The following GGACT variants were observed in gnomAD, a reference collection of about 807,000 sequenced individuals.
GGACT encodes gamma-glutamylaminecyclotransferase.
For synonymous variants in GGACT, 118 were observed against 115.3 expected, an observed-to-expected ratio of 1.02 and a Z score of -0.15; for missense variants, 241 against 233.2, an observed-to-expected ratio of 1.03 and a Z score of -0.22.
intron 2 of GGACT, among the ~76,000 whole-genome samples, chr13:100,553,414 T>C (rs2088683559): frequency 6.6e-6 from 1 of 152,040 alleles, no homozygotes; most frequent in East Asian, 1.9e-4. Context: ...AATGGGCCAG[T>C]CAACTGTGGT....
At chr13:100,548,615 T>G (rs1005027094) in intron 2 of GGACT, among the ~76,000 whole-genome samples, 2 of 152,204 alleles carry the variant, frequency 1.3e-5, no homozygotes, top group Non-Finnish European at 1.5e-5. Context: ...TTTGGGAGGA[T>G]CAAGTCCCCT....
chr13:100,540,503 T>C (rs1222805529), intron 2 of GGACT, among the ~76,000 whole-genome samples: 1 of 152,242 alleles, frequency 6.6e-6, no homozygotes, highest in Non-Finnish European at 1.5e-5. Flanking sequence ...GTTTTAGTTA[T>C]TTAGATCTTT....
At chr13:100,532,703 C>T (rs955549469) in intron 2 of GGACT, 102 bp from the exon 3 acceptor site, 2 of 856,930 alleles carry the variant, frequency 2.3e-6, no homozygotes, top group Non-Finnish European at 3.6e-6. Flanking sequence ...GGGGCCGCAC[C>T]ACCTGAATGC....
Position 100,530,571 on chromosome 13 carries a change from T to G in GGACT, c.*1559A>C, listed in dbSNP as rs1297782847. 2.0e-5 allele frequency: 6 copies of G among 301,682 alleles called. No individual in the cohort carries two copies. The highest frequency in any genetic ancestry group is 3.8e-5 in the Non-Finnish European group (6 of 157,740). The allele number at this position is 301,682 out of a possible 1,614,324, so 18.7% of individuals were successfully genotyped here. ...CAGTCAGTTCTCTGCCTTGCTTTAT[T>G]AAATTAGCACTTGCCATTTTTTCAT... On this transcript the variant is annotated 3_prime_UTR_variant, in exon 3 of 3. Coordinates refer to ENST00000683975, the MANE Select transcript of GGACT (RefSeq NM_001195087.2).
At chr13:100,583,535 T>C (rs910766532) in intron 2 of GGACT, among the ~76,000 whole-genome samples, 22 of 152,190 alleles carry the variant, frequency 1.4e-4, no homozygotes, top group Admixed American at 7.9e-4. Context: ...CTCCTTTAAT[T>C]TTTTGAGACA....
intron 2 of GGACT, among the ~76,000 whole-genome samples, chr13:100,532,840 G>A (rs1356284703): frequency 6.6e-6 from 1 of 152,232 alleles, no homozygotes; most frequent in African/African-American, 2.4e-5. Context: ...TAGCTTGTGG[G>A]CTGTTCACAA....
At chr13:100,547,733 C>A (rs913901681) in intron 2 of GGACT, among the ~76,000 whole-genome samples, 3 of 152,198 alleles carry the variant, frequency 2.0e-5, no homozygotes. Flanking sequence ...AGGACAAGAA[C>A]GAGACATCTC....
At chr13:100,546,013 T>C (rs373575203) in intron 2 of GGACT, among the ~76,000 whole-genome samples, 43 of 152,268 alleles carry the variant, frequency 2.8e-4, no homozygotes, top group African/African-American at 9.9e-4. Flanking sequence ...ACAGTGTTGA[T>C]AGAATATGTG....
chr13:100,532,255 C>T lies in GGACT; in HGVS notation c.337G>A (p.Ala113Thr). Residue 113 changes from alanine (A) to threonine (T), a missense_variant, in exon 3 of 3, where the codon GCG becomes ACG. Physicochemically the swap from Ala to Thr is moderately conservative, Grantham distance 58. Transcript: ENST00000683975. ...CTGCTGTACACGAAGCACTGCACCG[C>T]GGTGGGCGCTGGCGGCTCCTCTGCG... The part of the protein sequence containing the change: ...PGAEEPPAPT[A>T]VQCFVYSRAT... 31 of 1,523,978 alleles carry T rather than the reference C, an allele frequency of 2.0e-5. No individual in the cohort carries two copies. Among genetic ancestry groups the T allele is most frequent in the Non-Finnish European group, 2.7e-5 (30 of 1,130,254 alleles). 94.4% of individuals were successfully genotyped at this position (1,523,978 alleles called of 1,614,324 possible). A position where few individuals can be genotyped will look rare whatever the true frequency, so the allele number is the denominator to read the frequency against.
At chr13:100,546,048 C>T (rs1011840885) in intron 2 of GGACT, among the ~76,000 whole-genome samples, 2 of 152,158 alleles carry the variant, frequency 1.3e-5, no homozygotes, top group African/African-American at 4.8e-5. Context: ...AAAAACAGCT[C>T]AGTTAACTTT....
At chr13:100,544,074 C>T (rs1481055621) in intron 2 of GGACT, among the ~76,000 whole-genome samples, 1 of 152,206 alleles carries the variant, frequency 6.6e-6, no homozygotes. Context: ...GAGTAAGAGT[C>T]ACATGCGATG....
At chr13:100,546,433 G>A (rs1250913144) in intron 2 of GGACT, among the ~76,000 whole-genome samples, 1 of 147,076 alleles carries the variant, frequency 6.8e-6, no homozygotes, top group Admixed American at 6.8e-5. Flanking sequence ...GTGATTCCAC[G>A]AGTTAAATGC....
intron 2 of GGACT, among the ~76,000 whole-genome samples, chr13:100,567,742 C>A (rs1323494435): frequency 6.6e-6 from 1 of 152,184 alleles, no homozygotes; most frequent in East Asian, 1.9e-4. Context: ...ACCATGAATT[C>A]ACACAAACAC....
At chr13:100,559,871 G>C (rs2088744211) in intron 2 of GGACT, among the ~76,000 whole-genome samples, 1 of 152,256 alleles carries the variant, frequency 6.6e-6, no homozygotes, top group Non-Finnish European at 1.5e-5. Flanking sequence ...ATGTATACCA[G>C]TTTAACAGCC....
rs556419075 is a variant in GGACT at position 100,583,858 on chromosome 13, T to C, written c.-44A>G. ...TTGTTTCTTCAAGGAAGTGTTGCCT[T>C]AGAATCCAGATCCACAGTAAGCCTG... is the stretch of plus-strand genomic sequence containing the variant. On this transcript the variant is annotated 5_prime_UTR_variant, in exon 2 of 3. Coordinates refer to ENST00000683975, the MANE Select transcript of GGACT (RefSeq NM_001195087.2). 1 of 152,208 alleles carries C rather than the reference T, an allele frequency of 6.6e-6. No individual in the cohort carries two copies. The highest frequency in any genetic ancestry group is 1.5e-5 in the Non-Finnish European group (1 of 68,042). 9.4% of individuals were successfully genotyped at this position (152,208 alleles called of 1,614,324 possible).
intron 2 of GGACT, among the ~76,000 whole-genome samples, chr13:100,553,747 G>C (rs1370754052): frequency 6.6e-6 from 1 of 151,444 alleles, no homozygotes; most frequent in African/African-American, 2.4e-5. Context: ...GGGAAGTTGA[G>C]GCAGAAGAAT....
chr13:100,543,111 C>T (rs1038239770), intron 2 of GGACT, among the ~76,000 whole-genome samples: 1 of 151,324 alleles, frequency 6.6e-6, no homozygotes, highest in South Asian at 2.1e-4. Context: ...AGCATGCATA[C>T]GCAGACCAGG....
intron 2 of GGACT, among the ~76,000 whole-genome samples, chr13:100,563,574 G>A (rs1349754900): frequency 6.6e-6 from 1 of 152,168 alleles, no homozygotes; most frequent in Non-Finnish European, 1.5e-5. Context: ...CTGGCTACTC[G>A]GGAGGCCAAG....
chr13:100,567,058 A>G (rs1372110804), intron 2 of GGACT, among the ~76,000 whole-genome samples: 1 of 152,186 alleles, frequency 6.6e-6, no homozygotes, highest in Non-Finnish European at 1.5e-5. Flanking sequence ...GTATATCTTG[A>G]GCAGGAATCT....
Sources: gnomAD v4.1 joint callset for allele counts (sites outside exome capture counted in the v4.1 genomes callset) on GRCh38, gnomAD v4.1.1 for gene constraint, MANE v1.5 for transcripts, NCBI Gene and HGNC (gene_info 2026-07-23, HGNC 2026-07-21) for gene names.